Variants in PRH1 observed in about 807,000 individuals in gnomAD.
PRH1 encodes the protein salivary acidic proline-rich phosphoprotein 1/2.
PRH1 carries 7 observed loss-of-function variants against 7.9 expected under a neutral mutation model. The observed-to-expected ratio is 0.89, with a 90% CI of 0.50 to 1.67. The LOEUF (loss-of-function observed/expected upper bound fraction) is 1.67. Among genes scored for constraint, PRH1 ranks in the 40% most tolerant of loss-of-function variants. The pLI is 0.00. For synonymous variants in PRH1, 45 were observed against 80.8 expected, an observed-to-expected ratio of 0.56 and a Z score of 2.38; for missense variants, 109 against 223.6, an observed-to-expected ratio of 0.49 and a Z score of 3.27.
At chr12:11,027,921 T>C (rs1942000064) in intron 1 of PRH1, among the ~76,000 whole-genome samples, 1 of 152,104 alleles carries the variant, frequency 6.6e-6, no homozygotes. Context: ...TAAGCACAAG[T>C]CCCTATAAGC....
At chr12:11,038,461 A>T (rs1420851956) in intron 1 of PRH1, among the ~76,000 whole-genome samples, 3 of 152,274 alleles carry the variant, frequency 2.0e-5, no homozygotes, top group African/African-American at 7.2e-5. Flanking sequence ...AATTACAATT[A>T]TTAAAAAGAA....
intron 1 of PRH1, among the ~76,000 whole-genome samples, chr12:11,112,721 T>C (rs1367510687): frequency 1.3e-5 from 2 of 152,170 alleles, no homozygotes; most frequent in African/African-American, 4.8e-5. Flanking sequence ...ACGGGAAGCA[T>C]TCCCTTTGAA....
intron 1 of PRH1, chr12:11,132,880 A>G (rs2086219079): frequency 6.2e-6 from 1 of 162,392 alleles, no homozygotes; most frequent in Admixed American, 6.3e-5. Flanking sequence ...TTGTAAGCAC[A>G]CTGTGGTATA....
chr12:11,070,816 T>C (rs1016112388), intron 1 of PRH1, among the ~76,000 whole-genome samples: 13 of 145,088 alleles, frequency 9.0e-5, no homozygotes, highest in African/African-American at 3.3e-4. Flanking sequence ...TTTAATTTTC[T>C]TTTGTTTTCT....
intron 1 of PRH1, among the ~76,000 whole-genome samples, chr12:11,056,780 T>C (rs543721370): frequency 4.6e-4 from 70 of 152,108 alleles, no homozygotes; most frequent in Non-Finnish European, 9.0e-4. Context: ...ATCACACCAC[T>C]GCACACCAGC....
chr12:11,089,616 A>T (rs1257453600), intron 1 of PRH1, among the ~76,000 whole-genome samples: 14,394 of 74,218 alleles, frequency 0.19, 1,137 homozygotes, highest in Non-Finnish European at 0.27. Flanking sequence ...TAGCACTTTA[A>T]TAACAGGTAT....
chr12:10,973,983 G>C (rs1051889485), intron 1 of PRH1, among the ~76,000 whole-genome samples: 1 of 152,182 alleles, frequency 6.6e-6, no homozygotes, highest in Non-Finnish European at 1.5e-5. Flanking sequence ...AAAGTGGGGG[G>C]ATTACAGTTT....
intron 1 of PRH1, among the ~76,000 whole-genome samples, chr12:11,097,722 GATAGATGAAGAT>G (rs1945104527): frequency 8.8e-6 from 1 of 114,034 alleles, no homozygotes; most frequent in Non-Finnish European, 2.1e-5. Context: ...CATTTCATGA[GATAGATGAAGAT>G]ATAGATGATG....
intron 1 of PRH1, among the ~76,000 whole-genome samples, chr12:11,111,187 C>T (rs1945580158): frequency 6.6e-6 from 1 of 152,186 alleles, no homozygotes; most frequent in African/African-American, 2.4e-5. Flanking sequence ...GACTTAGACT[C>T]CCACACAATA....
chr12:10,996,524 A>T (rs553975865), intron 1 of PRH1: 2 of 153,482 alleles, frequency 1.3e-5, no homozygotes, highest in East Asian at 3.8e-4. Context: ...CAATGATTTT[A>T]CAACGAAAAA....
upstream of PRH1, chr12:11,048,578 C>A: frequency 2.2e-6 from 1 of 444,768 alleles, no homozygotes; most frequent in South Asian, 2.5e-5. Flanking sequence ...GTTTGCAAAG[C>A]TTTTATGTGC....
intron 1 of PRH1, among the ~76,000 whole-genome samples, chr12:11,157,766 G>A (rs148919313): frequency 2.6e-4 from 40 of 152,188 alleles, no homozygotes; most frequent in African/African-American, 8.7e-4. Flanking sequence ...TCTCCAAATC[G>A]TGCATGTAAA....
rs1230895973 is a variant in PRH1, at chr12:10,882,326, C to T, written c.473G>A (p.Gly158Asp). The T allele has an allele frequency of 6.2e-7, 1 of 1,608,262 alleles. No individual in the cohort carries two copies. The highest frequency in any genetic ancestry group is 8.5e-7 in the Non-Finnish European group (1 of 1,177,624). The change falls in exon 3 of 4, where the codon GGT becomes GAT. Residue 158 changes from glycine (G) to aspartate (D), a missense_variant. By Grantham distance (94) the Gly-to-Asp change is moderately conservative (BLOSUM62 -1). Coordinates refer to ENST00000543626, the MANE Select transcript of PRH1 (RefSeq NM_001393989.1). ...CTTTCCAGGAGGAGGTGGGGGAGGA[C>T]CTTGCTGATGGCCTCCCTGTTGGGG... Reference protein sequence around the residue: ...GPPQQGGHQQGPPPPPPGKPQ... With the variant: ...GPPQQGGHQQDPPPPPPGKPQ...
intron 1 of PRH1, among the ~76,000 whole-genome samples, chr12:11,097,695 A>G (rs1021118181): frequency 8.7e-6 from 1 of 114,614 alleles, no homozygotes; most frequent in African/African-American, 2.9e-5. Context: ...ATGTATTTAA[A>G]TATTTCAAAA....
At chr12:10,975,864 A>G (rs1939070688) in intron 1 of PRH1, among the ~76,000 whole-genome samples, 1 of 152,222 alleles carries the variant, frequency 6.6e-6, no homozygotes, top group Non-Finnish European at 1.5e-5. Context: ...ATTCACGAGA[A>G]GACCTAACTA....
intron 1 of PRH1, among the ~76,000 whole-genome samples, chr12:11,072,852 G>A (rs77006438): frequency 0.51 from 59,022 of 116,828 alleles, 11,581 homozygotes; most frequent in Non-Finnish European, 0.6. Flanking sequence ...AAGAACGAAA[G>A]TGCTGCTTCA....
At chr12:10,901,755 A>G (rs1052234534) in intron 2 of PRH1, among the ~76,000 whole-genome samples, 6 of 152,190 alleles carry the variant, frequency 3.9e-5, no homozygotes, top group Non-Finnish European at 2.9e-5. Context: ...GAAGCTGGGC[A>G]AAAGACCTAC....
chr12:11,062,351 T>C (rs531135797), intron 1 of PRH1: 10 of 1,442,224 alleles, frequency 6.9e-6, no homozygotes, highest in African/African-American at 1.4e-5. Flanking sequence ...CTGGTTGTGA[T>C]TGCTTGAATA....
At chr12:10,917,077 T>C (rs1343401649) in intron 2 of PRH1, among the ~76,000 whole-genome samples, 2 of 151,978 alleles carry the variant, frequency 1.3e-5, no homozygotes, top group Admixed American at 6.6e-5. Flanking sequence ...CATATATATG[T>C]ATACATTTAA....
Sources: gnomAD v4.1 joint callset for allele counts (sites outside exome capture counted in the v4.1 genomes callset) on GRCh38, gnomAD v4.1.1 for gene constraint, MANE v1.5 for transcripts, NCBI Gene and HGNC (gene_info 2026-07-23, HGNC 2026-07-21) for gene names.